The following PIP5K1C variants were observed in gnomAD, a reference collection of about 807,000 sequenced individuals.
PIP5K1C encodes the protein phosphatidylinositol 4-phosphate 5-kinase type-1 gamma.
PIP5K1C carries 45 observed loss-of-function variants against 80.1 expected under a neutral mutation model. The ratio of observed to expected loss-of-function variants is 0.56; its 90% CI spans 0.44 to 0.72. The LOEUF is 0.72. Among genes scored for constraint, PIP5K1C ranks in the 30% least tolerant of loss-of-function variants. The pLI, the probability that PIP5K1C is intolerant of heterozygous loss-of-function variation, is 0.00. For synonymous variants in PIP5K1C, 498 were observed against 420.1 expected (o/e 1.19, Z -2.27); for missense variants, 753 against 954.6 (o/e 0.79, Z 2.78).
chr19:3,700,320 GC>G lies in PIP5K1C; in HGVS notation c.70del (p.Ala24ArgfsTer23). The G allele has an allele frequency of 7.7e-7, 1 of 1,293,718 alleles. No homozygotes were observed. The highest frequency in any genetic ancestry group is 1.0e-6 in the Non-Finnish European group (1 of 1,004,232). 80.1% of individuals were successfully genotyped at this position (1,293,718 alleles called of 1,614,324 possible). ...ACCTGCCGCCGCCCCGCTCTCTGCC[GC>G]CCACGCCGCCTCCGAGGGCACGGCC... ...AGAVPSEAAW[A>X]AESGAAAGLA... On this transcript the variant is annotated frameshift_variant, in exon 1 of 18. Transcript: ENST00000335312. LOFTEE classifies it high-confidence loss of function.
Position 3,637,947 on chromosome 19 carries a change from C to T in PIP5K1C, c.1920+937G>A, listed in dbSNP as rs1277858331. On this transcript the variant is annotated intron_variant, in intron 16 of 17. Coordinates refer to ENST00000335312, the MANE Select transcript of PIP5K1C (RefSeq NM_012398.3). The surrounding 1 kb of genome is among the most constrained non-coding windows in gnomAD (Gnocchi z 7.0). ...CGTGCGGTGGGTAGGGGCACAGGCA[C>T]GCGGCCCGTCCCTCCCTTCTCCAGG... 5.9e-6 allele frequency: 9 copies of T among 1,534,666 alleles called. No individual in the cohort carries two copies. Among genetic ancestry groups the T allele is most frequent in the South Asian group, 3.6e-5 (3 of 84,014 alleles).
intron 1 of PIP5K1C, among the ~76,000 whole-genome samples, chr19:3,674,495 T>A (rs2035300495): frequency 6.9e-6 from 1 of 145,318 alleles, no homozygotes; most frequent in Admixed American, 6.9e-5. Flanking sequence ...GCTGCAGATC[T>A]CGGCTCACTA....
intron 11 of PIP5K1C, among the ~76,000 whole-genome samples, chr19:3,645,281 G>A (rs1490681098): frequency 6.6e-6 from 1 of 152,254 alleles, no homozygotes; most frequent in Non-Finnish European, 1.5e-5. Flanking sequence ...TGGGGAGCCC[G>A]GGAGCCTTCT....
intron 5 of PIP5K1C, among the ~76,000 whole-genome samples, chr19:3,658,401 G>T (rs1291028303): frequency 6.6e-6 from 1 of 152,210 alleles, no homozygotes; most frequent in Non-Finnish European, 1.5e-5. Context: ...GCCCAGCCCA[G>T]CCATCTGCCT....
chr19:3,643,513 T>G (rs1296908481), intron 12 of PIP5K1C, 132 bp from the exon 13 acceptor site: 9 of 1,023,636 alleles, frequency 8.8e-6, no homozygotes, highest in Non-Finnish European at 1.3e-5. Flanking sequence ...CACTCCCACC[T>G]CCCCACACGG....
At position 3,700,334 on chromosome 19, in the gene PIP5K1C, C is replaced by T. The variant is rs1348455859; in HGVS notation, c.57G>A (p.Ser19=). 5 of 1,295,432 alleles carry T rather than the reference C, an allele frequency of 3.9e-6. No individual in the cohort carries two copies. The African/African-American group carries it at 6.3e-5, about 16-fold the overall frequency. The allele number at this position is 1,295,432 out of a possible 1,614,324, so 80.2% of individuals were successfully genotyped here. A position where few individuals can be genotyped will look rare whatever the true frequency, so the allele number is the denominator to read the frequency against. The stretch of plus-strand genomic sequence containing the variant: ...CGCTCTCTGCCGCCCACGCCGCCTC[C>T]GAGGGCACGGCCCCCGCCTCAGCGC... ...AESAEAGAVP[S]EAAWAAESGA... The change falls in exon 1 of 18, where the codon TCG becomes TCA. Residue 19 remains serine, a synonymous_variant. Transcript: ENST00000335312.
At chr19:3,650,687 G>A (rs1030674711) in intron 8 of PIP5K1C, among the ~76,000 whole-genome samples, 2 of 152,248 alleles carry the variant, frequency 1.3e-5, no homozygotes, top group Non-Finnish European at 1.5e-5. Context: ...CTGGTGTCCA[G>A]CAGACATGAC....
At chr19:3,698,324 G>A (rs1287075596) in intron 1 of PIP5K1C, among the ~76,000 whole-genome samples, 4 of 152,242 alleles carry the variant, frequency 2.6e-5, no homozygotes, top group African/African-American at 7.2e-5. Context: ...GCTGAAGCCC[G>A]GGGAAGTGAC....
In PIP5K1C at chr19:3,648,567, C is replaced by A; in HGVS notation, c.1211+58G>T. The A allele has an allele frequency of 1.6e-6, 2 of 1,275,104 alleles. No individual in the cohort carries two copies. Among genetic ancestry groups the A allele is most frequent in the South Asian group, 1.4e-5 (1 of 71,534 alleles). 79.0% of individuals were successfully genotyped at this position (1,275,104 alleles called of 1,614,324 possible). On this transcript the variant is annotated intron_variant, in intron 9 of 17. Coordinates refer to ENST00000335312, the MANE Select transcript of PIP5K1C (RefSeq NM_012398.3). The surrounding 1 kb of genome is among the most constrained non-coding windows in gnomAD (Gnocchi z 4.3). The stretch of plus-strand genomic sequence containing the variant: ...GTGGGGCTGCAGACCCGGGCGCCCA[C>A]CTGTGGGACTGCAGACCCGGGGCGT...
At chr19:3,667,166 G>A (rs1039549511) in intron 2 of PIP5K1C, among the ~76,000 whole-genome samples, 156 bp downstream of exon 2, 8 of 152,220 alleles carry the variant, frequency 5.3e-5, no homozygotes, top group Non-Finnish European at 1.2e-4. Flanking sequence ...CGCAGTTGGT[G>A]TAGACCTCAC....
intron 1 of PIP5K1C, among the ~76,000 whole-genome samples, chr19:3,687,561 ACACACATGCACACG>A (rs2035800896): frequency 1.4e-5 from 2 of 145,566 alleles, no homozygotes; most frequent in Admixed American, 6.8e-5. Context: ...ATGCACACGC[ACACACATGCACACG>A]CACACACATG....
intron 3 of PIP5K1C, among the ~76,000 whole-genome samples, chr19:3,662,384 T>C (rs774106404): frequency 1.5e-4 from 23 of 152,226 alleles, no homozygotes; most frequent in Non-Finnish European, 3.1e-4. Context: ...TACAGCGAGA[T>C]GCCCAGATCA....
In PIP5K1C at chr19:3,633,000, TC is replaced by T. The variant is rs1350283888; in HGVS notation, c.*166del. On this transcript the variant is annotated 3_prime_UTR_variant, in exon 18 of 18. Transcript: ENST00000335312. Reference sequence around the variant, plus strand: ...GGGTGCCGGGGCCCTGGGAGGCTTGTCGGGGAGGGGCCCGGCCGTCGGCATC... The same window carrying T: ...GGGTGCCGGGGCCCTGGGAGGCTTGTGGGGAGGGGCCCGGCCGTCGGCATC... The T allele has an allele frequency of 3.7e-6, 2 of 538,806 alleles. No homozygotes were observed. The highest frequency in any genetic ancestry group is 6.6e-6 in the Non-Finnish European group (2 of 301,596). 33.4% of individuals were successfully genotyped at this position (538,806 alleles called of 1,614,324 possible). A position where few individuals can be genotyped will look rare whatever the true frequency, so the allele number is the denominator to read the frequency against.
chr19:3,633,341 C>G (rs548793047), intron 17 of PIP5K1C, 96 bp downstream of exon 17: 1 of 982,744 alleles, frequency 1.0e-6, no homozygotes, highest in Non-Finnish European at 1.5e-6. Context: ...CCTCCCGCCC[C>G]GGGCCTCAGT....
At chr19:3,656,373 G>A (rs1298053438) in intron 6 of PIP5K1C, 32 bp downstream of exon 6, 1 of 1,611,904 alleles carries the variant, frequency 6.2e-7, no homozygotes, top group South Asian at 1.1e-5. Flanking sequence ...GTTGACCGAG[G>A]AGCCATCTGC....
In PIP5K1C at chr19:3,663,981, C is replaced by T. The variant is rs8106193; in HGVS notation, c.219+841G>A. ...GTGTGAAGCACCCGAGCGTCCATGA[C>T]GCAGCAAAGGACAAGTGCAGCACGG... is the stretch of plus-strand genomic sequence containing the variant. On this transcript the variant is annotated intron_variant, in intron 3 of 17. Coordinates refer to ENST00000335312, the MANE Select transcript of PIP5K1C (RefSeq NM_012398.3). 3.9e-4 allele frequency among the ~76,000 whole-genome samples: 59 copies of T among 152,300 alleles called. 1 individual carries two copies. Among genetic ancestry groups the T allele is most frequent in the African/African-American group, 1.2e-3 (49 of 41,574 alleles).
At chr19:3,669,639 C>T (rs934606397) in intron 1 of PIP5K1C, 1 of 152,250 alleles carries the variant, frequency 6.6e-6, no homozygotes, top group Non-Finnish European at 1.5e-5. Flanking sequence ...GTGAACCCAC[C>T]CGAGGTCACA....
At chr19:3,652,413 C>G (rs2145443252) in intron 7 of PIP5K1C, among the ~76,000 whole-genome samples, 1 of 152,324 alleles carries the variant, frequency 6.6e-6, no homozygotes, top group Middle Eastern at 3.4e-3. Context: ...TGGGTGGATG[C>G]CCAGGGTAGC....
At chr19:3,667,950 ACTGGCCAGGGGTCCCCAGGG>A (rs943269126) in intron 1 of PIP5K1C, among the ~76,000 whole-genome samples, 4 of 152,236 alleles carry the variant, frequency 2.6e-5, no homozygotes, top group African/African-American at 9.6e-5. Flanking sequence ...GTCAGTGGGA[ACTGGCCAGGGGTCCCCAGGG>A]CTGCCGCCCT....
Sources: allele counts gnomAD v4.1 joint callset (sites outside exome capture counted in the v4.1 genomes callset), GRCh38; gene constraint gnomAD v4.1.1; non-coding constraint Gnocchi (gnomAD v3.1); transcripts MANE v1.5; gene names NCBI Gene and HGNC (gene_info 2026-07-23, HGNC 2026-07-21).